ZNF844: variants seen among roughly 807,000 people sequenced by gnomAD.
The protein encoded by ZNF844 is zinc finger protein 844.
A neutral mutation model predicts 11.4 loss-of-function variants in ZNF844; 11 were observed. The ratio of observed to expected loss-of-function variants is 0.97; its 90% CI spans 0.61 to 1.60. ZNF844 has a LOEUF of 1.60. ZNF844 is among the 40% of genes most tolerant of loss of function. The pLI is 0.00. For missense variants in ZNF844, 790 were observed against 796.8 expected, an observed-to-expected ratio of 0.99 and a Z score of 0.10; for synonymous variants, 248 against 260.3, an observed-to-expected ratio of 0.95 and a Z score of 0.46.
Position 12,077,436 on chromosome 19 carries a change from G to A in ZNF844, c.*315G>A. ...GTCTTCTACTGCATTTCAGTATCATGAAAAGACCCACACCAGAGAGAAACA... is the reference window on the plus strand; with the variant it reads ...GTCTTCTACTGCATTTCAGTATCATAAAAAGACCCACACCAGAGAGAAACA... On this transcript the variant is annotated 3_prime_UTR_variant, in exon 4 of 4. Coordinates refer to ENST00000439326, the MANE Select transcript of ZNF844 (RefSeq NM_001136501.3). The A allele has an allele frequency of 3.1e-6, 2 of 635,586 alleles. No individual in the cohort carries two copies. Among genetic ancestry groups the A allele is most frequent in the Non-Finnish European group, 5.9e-6 (2 of 339,488 alleles). The allele number at this position is 635,586 out of a possible 1,614,324, so 39.4% of individuals were successfully genotyped here. A position where few individuals can be genotyped will look rare whatever the true frequency, so the allele number is the denominator to read the frequency against.
chr19:12,076,290 C>A lies in ZNF844; in HGVS notation c.1170C>A (p.Asn390Lys), dbSNP rs1354973649. 2 of 1,613,906 alleles carry A rather than the reference C, an allele frequency of 1.2e-6. No individual in the cohort carries two copies. Among genetic ancestry groups the A allele is most frequent in the Admixed American group, 1.7e-5 (1 of 59,940 alleles). ...TGAAAGAACTCACACTGGAGAGAAA[C>A]CTTATGAATGCAAGCACTGTGGTAA... ...EDMKELTLER[N>K]LMNASTVVKP... is the part of the protein sequence containing the mutation. The change falls in exon 4 of 4, where the codon AAC becomes AAA. Residue 390 changes from asparagine to lysine, a missense_variant. Physicochemically the swap from Asn to Lys is moderately conservative, Grantham distance 94 (BLOSUM62 0). This residue lies in a region of ZNF844 where 657 missense variants were observed against 636.2 expected (regional missense o/e 1.03). Transcript: ENST00000439326.
chr19:12,074,479 A>G (rs1975785720), intron 3 of ZNF844, 58 bp downstream of exon 3: 1 of 1,186,368 alleles, frequency 8.4e-7, no homozygotes. Context: ...GAATGCGAGA[A>G]TATGTTAAGA....
chr19:12,070,770 A>G (rs574341563), intron 1 of ZNF844, among the ~76,000 whole-genome samples: 6 of 152,308 alleles, frequency 3.9e-5, no homozygotes, highest in African/African-American at 1.4e-4. Flanking sequence ...CCTATATGTT[A>G]TAGGACAATT....
At chr19:12,065,636 A>T (rs1349416418) in intron 1 of ZNF844, among the ~76,000 whole-genome samples, 1 of 142,844 alleles carries the variant, frequency 7.0e-6, no homozygotes, top group African/African-American at 2.6e-5. Flanking sequence ...TTTTCTTACA[A>T]TTTTTTTTTT....
chr19:12,078,879 C>T lies in ZNF844; in HGVS notation c.*1758C>T, dbSNP rs928642036. The T allele has an allele frequency of 6.6e-6, 1 of 152,060 alleles. No individual in the cohort carries two copies. The highest frequency in any genetic ancestry group is 1.5e-5 in the Non-Finnish European group (1 of 68,032). The allele number at this position is 152,060 out of a possible 1,614,324, so 9.4% of individuals were successfully genotyped here. ...CATTTCTTTTTTTTTGAGACGGAGTCTTGCTCTGTCGCTGAGGCTGAGAAC... is the reference window on the plus strand; with the variant it reads ...CATTTCTTTTTTTTTGAGACGGAGTTTTGCTCTGTCGCTGAGGCTGAGAAC... On this transcript the variant is annotated 3_prime_UTR_variant, in exon 4 of 4. Coordinates refer to ENST00000439326, the MANE Select transcript of ZNF844 (RefSeq NM_001136501.3).
In ZNF844 at chr19:12,076,303, A is replaced by G; in HGVS notation, c.1183A>G (p.Ser395Gly). 1 of 1,613,908 alleles carries G rather than the reference A, an allele frequency of 6.2e-7. No individual in the cohort carries two copies. The highest frequency in any genetic ancestry group is 8.5e-7 in the Non-Finnish European group (1 of 1,179,854). The change falls in exon 4 of 4, where the codon AGC becomes GGC. Residue 395 changes from serine (S) to glycine (G), a missense_variant. Physicochemically the swap from Ser to Gly is moderately conservative, Grantham distance 56. This residue lies in a region of ZNF844 where 657 missense variants were observed against 636.2 expected (regional missense o/e 1.03). Coordinates refer to ENST00000439326, the MANE Select transcript of ZNF844 (RefSeq NM_001136501.3). ...LTLERNLMNASTVVKPSIVPV... is the reference protein window; with the variant it reads ...LTLERNLMNAGTVVKPSIVPV... Reference sequence around the variant, plus strand: ...ACTGGAGAGAAACCTTATGAATGCAAGCACTGTGGTAAAGCCTTCAATCGT... The same window carrying G: ...ACTGGAGAGAAACCTTATGAATGCAGGCACTGTGGTAAAGCCTTCAATCGT...
At position 12,068,996 on chromosome 19, in the gene ZNF844, A is replaced by G. The variant is rs184948002; in HGVS notation, c.3+4120A>G. On this transcript the variant is annotated intron_variant, in intron 1 of 3. Coordinates refer to ENST00000439326, the MANE Select transcript of ZNF844 (RefSeq NM_001136501.3). ...ACTGACCCAGCTGCTCACACTGACCATGGGAGGAGCCCTTTATTCTGAGAG... is the reference window on the plus strand; with the variant it reads ...ACTGACCCAGCTGCTCACACTGACCGTGGGAGGAGCCCTTTATTCTGAGAG... 2.9e-3 allele frequency among the ~76,000 whole-genome samples: 449 copies of G among 152,214 alleles called. 5 individuals are homozygous for G. Among genetic ancestry groups the G allele is most frequent in the Non-Finnish European group, 1.2e-3 (85 of 68,008 alleles).
Position 12,077,530 on chromosome 19 carries a change from A to G in ZNF844, c.*409A>G. 1.6e-6 allele frequency: 1 copy of G among 611,654 alleles called. No individual in the cohort carries two copies. The highest frequency in any genetic ancestry group is 1.4e-5 in the South Asian group (1 of 73,464). The allele number at this position is 611,654 out of a possible 1,614,324, so 37.9% of individuals were successfully genotyped here. ...AGCCTTCGATATCATGAAAGGACTC[A>G]CACTGGAGAGAAACCCTATGAATGT... On this transcript the variant is annotated 3_prime_UTR_variant, in exon 4 of 4. Coordinates refer to ENST00000439326, the MANE Select transcript of ZNF844 (RefSeq NM_001136501.3).
rs1975855364 is a variant in ZNF844 at position 12,078,323 on chromosome 19, C to T, written c.*1202C>T. 6.6e-6 allele frequency: 1 copy of T among 152,134 alleles called. No homozygotes were observed. The highest frequency in any genetic ancestry group is 2.4e-5 in the African/African-American group (1 of 41,388). The allele number at this position is 152,134 out of a possible 1,614,324, so 9.4% of individuals were successfully genotyped here. Reference sequence around the variant, plus strand: ...TATATTTTTAGTAGAGATGAGGTCTCACCCTATTGGCCACACTGGTCTTGA... The same window carrying T: ...TATATTTTTAGTAGAGATGAGGTCTTACCCTATTGGCCACACTGGTCTTGA... On this transcript the variant is annotated 3_prime_UTR_variant, in exon 4 of 4. Coordinates refer to ENST00000439326, the MANE Select transcript of ZNF844 (RefSeq NM_001136501.3).
Position 12,075,841 on chromosome 19 carries a change from C to A in ZNF844, c.721C>A (p.Gln241Lys). ...GKAFSYSTSLQIHERTHTGEK... is the reference protein window; with the variant it reads ...GKAFSYSTSLKIHERTHTGEK... ...AGCCTTTAGTTATTCAACTTCCCTTCAAATACATGAAAGAACTCACACTGG... is the reference window on the plus strand; with the variant it reads ...AGCCTTTAGTTATTCAACTTCCCTTAAAATACATGAAAGAACTCACACTGG... The change falls in exon 4 of 4, where the codon CAA becomes AAA. Residue 241 changes from glutamine to lysine, a missense_variant. By Grantham distance (53) the Gln-to-Lys change is moderately conservative. Around this residue, in one of 3 missense-constraint regions of ZNF844, gnomAD observed 657 missense variants for 636.2 expected, o/e 1.03. Transcript: ENST00000439326. 3 of 1,610,824 alleles carry A rather than the reference C, an allele frequency of 1.9e-6. No individual in the cohort carries two copies. The highest frequency in any genetic ancestry group is 2.7e-5 in the African/African-American group (2 of 74,884).
At chr19:12,067,528 A>G (rs1420751103) in intron 1 of ZNF844, among the ~76,000 whole-genome samples, 2 of 144,658 alleles carry the variant, frequency 1.4e-5, no homozygotes, top group African/African-American at 2.6e-5. Flanking sequence ...AATTGCTTGC[A>G]CCTGGGAGGC....
rs1391207574 is a variant in ZNF844 at position 12,077,050 on chromosome 19, G to T, written c.1930G>T (p.Val644Leu). 4 of 1,597,312 alleles carry T rather than the reference G, an allele frequency of 2.5e-6. No homozygotes were observed. The East Asian group carries it at 9.1e-5, about 36-fold the overall frequency. ...GCTLERNHINVRIVGKHSVCL... is the reference protein window; with the variant it reads ...GCTLERNHINLRIVGKHSVCL... ...CACACTGGAGAGAAACCATATTAAT[G>T]TAAGGATTGTGGGAAAGCATTCAGT... The change falls in exon 4 of 4, where the codon GTA (valine) becomes TTA (leucine). Residue 644 changes from valine to leucine, a missense_variant. By Grantham distance (32) the Val-to-Leu change is conservative. This residue lies in a region of ZNF844 where 657 missense variants were observed against 636.2 expected (regional missense o/e 1.03). Coordinates refer to ENST00000439326, the MANE Select transcript of ZNF844 (RefSeq NM_001136501.3).
chr19:12,072,484 G>C (rs574880562), intron 1 of ZNF844, among the ~76,000 whole-genome samples: 13 of 151,554 alleles, frequency 8.6e-5, no homozygotes, highest in Non-Finnish European at 1.5e-4. Context: ...TTTCCATAAA[G>C]ATTGAGCCAT....
At chr19:12,067,219 A>G (rs1280365462) in intron 1 of ZNF844, among the ~76,000 whole-genome samples, 4 of 151,546 alleles carry the variant, frequency 2.6e-5, no homozygotes, top group Non-Finnish European at 5.9e-5. Flanking sequence ...AATAATAATA[A>G]TGAGATTTCC....
Position 12,075,616 on chromosome 19 carries a change from GA to G in ZNF844, c.501del (p.Lys167AsnfsTer22), listed in dbSNP as rs747479574. The part of the protein sequence containing the change: ...FQMQEKAHTG[E>X]KLYDCKECGK... Reference sequence around the variant, plus strand: ...AATGCAAGAAAAGGCTCACACTGGAGAAAAACTCTATGATTGTAAAGAATGT... The same window carrying G: ...AATGCAAGAAAAGGCTCACACTGGAGAAAACTCTATGATTGTAAAGAATGT... On this transcript the variant is annotated frameshift_variant, in exon 4 of 4. Transcript: ENST00000439326. LOFTEE classifies it low-confidence loss of function (END_TRUNC). The G allele has an allele frequency of 6.2e-7, 1 of 1,613,048 alleles. No homozygotes were observed. The highest frequency in any genetic ancestry group is 8.5e-7 in the Non-Finnish European group (1 of 1,179,744).
Position 12,076,248 on chromosome 19 carries a change from A to G in ZNF844, c.1128A>G (p.Pro376=). The G allele has an allele frequency of 1.9e-6, 3 of 1,610,738 alleles. No individual in the cohort carries two copies. Among genetic ancestry groups the G allele is most frequent in the Non-Finnish European group, 1.7e-6 (2 of 1,178,460 alleles). The change falls in exon 4 of 4, where the codon CCA becomes CCG. Residue 376 remains proline (P), a synonymous_variant. Transcript: ENST00000439326. ...CKTVEKPLIL[P]VRFEDMKELT... ...CTGTGGAAAAGCCTTTGATTCTCCC[A>G]GTTCGTTTTGAAGACATGAAAGAAC... is the stretch of plus-strand genomic sequence containing the variant.
intron 1 of ZNF844, among the ~76,000 whole-genome samples, chr19:12,069,501 T>G (rs772538308): frequency 2.6e-5 from 4 of 151,092 alleles, no homozygotes; most frequent in Admixed American, 1.3e-4. Context: ...GACTTTATTC[T>G]AAAGGAGAAT....
At chr19:12,067,667 A>G (rs1975704695) in intron 1 of ZNF844, among the ~76,000 whole-genome samples, 1 of 148,158 alleles carries the variant, frequency 6.7e-6, no homozygotes, top group East Asian at 2.0e-4. Flanking sequence ...CTGTAATCCC[A>G]GCACTTTGGG....
At chr19:12,070,543 G>A (rs1156266485) in intron 1 of ZNF844, among the ~76,000 whole-genome samples, 1 of 152,128 alleles carries the variant, frequency 6.6e-6, no homozygotes, top group Non-Finnish European at 1.5e-5. Context: ...CTGGTGTTTT[G>A]GATGTTTGAG....
Sources: allele counts gnomAD v4.1 joint callset (sites outside exome capture counted in the v4.1 genomes callset), GRCh38; gene constraint gnomAD v4.1.1; regional missense constraint gnomAD v4.1.1; transcripts MANE v1.5; gene names NCBI Gene and HGNC (gene_info 2026-07-23, HGNC 2026-07-21).